Variants in SYNE1 observed in about 807,000 individuals in gnomAD.
SYNE1 encodes the protein nesprin-1.
Under a neutral mutation model 1,111.0 loss-of-function variants are expected in SYNE1, and 616 were observed. The ratio of observed to expected loss-of-function variants is 0.55; its 90% CI spans 0.52 to 0.59. The LOEUF is 0.59. Ranked by LOEUF, SYNE1 falls within the 20% of genes least tolerant of loss-of-function variation. The pLI, the probability that SYNE1 is intolerant of heterozygous loss-of-function variation, is 0.00. For missense variants in SYNE1, 10,006 were observed against 10,417.0 expected (o/e 0.96, Z 1.72); for synonymous variants, 3,855 against 3,825.8 (o/e 1.01, Z -0.28).
chr6:152,202,009 AAAAG>A (rs1554545048), intron 126 of SYNE1, 60 bp from the exon 127 acceptor site: 1 of 1,576,980 alleles, frequency 6.3e-7, no homozygotes, highest in Non-Finnish European at 8.7e-7. Flanking sequence ...CTGGGGGGGG[AAAAG>A]AAAAGAAACA....
Position 152,444,453 on chromosome 6 carries a change from A to G in SYNE1, c.3795T>C (p.Thr1265=), listed in dbSNP as rs1263099442. 3.1e-6 allele frequency: 5 copies of G among 1,613,882 alleles called. No individual in the cohort carries two copies. The South Asian group carries it at 3.3e-5, about 11-fold the overall frequency. Residue 1265 remains threonine (T), a synonymous_variant, in exon 30 of 146, where the codon ACT becomes ACC. Coordinates refer to ENST00000367255, the MANE Select transcript of SYNE1 (RefSeq NM_182961.4). ...ACTGCTGTGCTTCAAACAGATTTTCAGTATCCAAGATCTTCTCAGCTTGTT... is the reference window on the plus strand; with the variant it reads ...ACTGCTGTGCTTCAAACAGATTTTCGGTATCCAAGATCTTCTCAGCTTGTT... ...VQEQAEKILD[T]ENLFEAQQLL...
rs375046559 is a variant in SYNE1, at chr6:152,468,138, T to C, written c.1633-2060A>G. Among the ~76,000 whole-genome samples, 5 of 152,270 alleles carry C rather than the reference T, an allele frequency of 3.3e-5. No individual in the cohort carries two copies. In the South Asian group the frequency reaches 1.0e-3, roughly 32 times the overall value. On this transcript the variant is annotated intron_variant, in intron 16 of 145. Coordinates refer to ENST00000367255, the MANE Select transcript of SYNE1 (RefSeq NM_182961.4). ...TTATTTTTGGTATTTAACTTTAGTG[T>C]TAGTGACCGCATTTCTACTTTCACA... is the stretch of plus-strand genomic sequence containing the variant.
chr6:152,168,981 C>A (rs1225358269), intron 130 of SYNE1, among the ~76,000 whole-genome samples: 1 of 152,086 alleles, frequency 6.6e-6, no homozygotes, highest in Admixed American at 6.5e-5. Flanking sequence ...AAACTTTCTG[C>A]ACTAAGCAGA....
At chr6:152,212,510 A>G (rs2153428277) in intron 123 of SYNE1, among the ~76,000 whole-genome samples, 1 of 152,212 alleles carries the variant, frequency 6.6e-6, no homozygotes, top group South Asian at 2.1e-4. Flanking sequence ...TTCACATTTT[A>G]TTTATCCATT....
Position 152,259,494 on chromosome 6 carries a change from TA to T in SYNE1, c.18972+2537del, listed in dbSNP as rs1365552542. 4.6e-5 allele frequency among the ~76,000 whole-genome samples: 7 copies of T among 152,266 alleles called. No homozygotes were observed. In the East Asian group the frequency reaches 1.4e-3, roughly 29 times the overall value. On this transcript the variant is annotated intron_variant, in intron 101 of 145. Transcript: ENST00000367255. ...TGCCTGTTTTTACATATGAAACTAG[TA>T]AGTATTTCTAGGATACAAAATTGCC...
At position 152,122,655 on chromosome 6, in the gene SYNE1, A is replaced by T. The variant is rs757485462; in HGVS notation, c.26175T>A (p.Asp8725Glu). The change falls in exon 146 of 146, where the codon GAT becomes GAA. Residue 8725 changes from aspartate to glutamate, a missense_variant. This residue lies in a region of SYNE1 where 761 missense variants were observed against 795.5 expected (regional missense o/e 0.96). Transcript: ENST00000367255. ...PHSRSTKGGS[D>E]SSLSEPGPGR... ...CTGGCCCTGGCTCAGAAAGGGAGGA[A>T]TCGGAGCCACCTTTTGTGGACCTGA... is the stretch of plus-strand genomic sequence containing the variant. 6.2e-7 allele frequency: 1 copy of T among 1,614,062 alleles called. No homozygotes were observed. Among genetic ancestry groups the T allele is most frequent in the Non-Finnish European group, 8.5e-7 (1 of 1,179,936 alleles).
chr6:152,234,737 A>T lies in SYNE1; in HGVS notation c.20460T>A (p.Phe6820Leu), dbSNP rs1384113262. Residue 6820 changes from phenylalanine (F) to leucine (L), a missense_variant, in exon 111 of 146, where the codon TTT becomes TTA. Coordinates refer to ENST00000367255, the MANE Select transcript of SYNE1 (RefSeq NM_182961.4). ...WLQSAKDRLE[F>L]WTQQSVTVPQ... The stretch of plus-strand genomic sequence containing the variant: ...GGACTGTCACAGATTGCTGAGTCCA[A>T]AATTCTAGCCGGTCTTTTGCAGATT... 1.2e-6 allele frequency: 2 copies of T among 1,614,216 alleles called. No individual in the cohort carries two copies. Among genetic ancestry groups the T allele is most frequent in the South Asian group, 2.2e-5 (2 of 91,088 alleles).
chr6:152,568,289 CTTTTTTT>C (rs10601350), intron 3 of SYNE1, among the ~76,000 whole-genome samples: 8 of 80,286 alleles, frequency 1.0e-4, no homozygotes, highest in Non-Finnish European at 1.1e-4. Context: ...TTATTTTATT[CTTTTTTT>C]TTTTTTTTTT....
intron 67 of SYNE1, 136 bp from the exon 68 acceptor site, chr6:152,353,880 A>T: frequency 1.9e-6 from 2 of 1,062,902 alleles, no homozygotes; most frequent in South Asian, 1.3e-5. Context: ...TGAAAATGCC[A>T]TATGTTATCT....
At chr6:152,583,018 C>T (rs2099525684) in intron 3 of SYNE1, among the ~76,000 whole-genome samples, 1 of 152,090 alleles carries the variant, frequency 6.6e-6, no homozygotes, top group Non-Finnish European at 1.5e-5. Flanking sequence ...CAAGTGGTCA[C>T]TTTGTTGGAG....
chr6:152,436,850 A>T (rs763379154), intron 32 of SYNE1, among the ~76,000 whole-genome samples: 6 of 152,178 alleles, frequency 3.9e-5, no homozygotes, highest in Non-Finnish European at 8.8e-5. Context: ...ATTTAATGTA[A>T]TATCTTAGTC....
In SYNE1 at chr6:152,444,566, G is replaced by C. The variant is rs571078087; in HGVS notation, c.3682C>G (p.Leu1228Val). ...VTLLSEVEKM[L>V]SNFGDCVQYK... ...TGGACACAGTCCCCAAAATTGCTTA[G>C]CATCTTTTCAACCTATATTTTCATG... The change falls in exon 30 of 146, where the codon CTA (leucine) becomes GTA (valine). Residue 1228 changes from leucine (L) to valine (V), a missense_variant. By Grantham distance (32) the Leu-to-Val change is conservative. Coordinates refer to ENST00000367255, the MANE Select transcript of SYNE1 (RefSeq NM_182961.4). 1 of 1,610,488 alleles carries C rather than the reference G, an allele frequency of 6.2e-7. No individual in the cohort carries two copies. Among genetic ancestry groups the C allele is most frequent in the Non-Finnish European group, 8.5e-7 (1 of 1,179,186 alleles).
At chr6:152,228,278 CT>C (rs1434368742) in intron 115 of SYNE1, among the ~76,000 whole-genome samples, 1 of 152,164 alleles carries the variant, frequency 6.6e-6, no homozygotes, top group African/African-American at 2.4e-5. Context: ...AAAGATATGA[CT>C]TTTCATTTGA....
chr6:152,288,968 G>T (rs957071737), intron 95 of SYNE1, among the ~76,000 whole-genome samples: 32 of 152,182 alleles, frequency 2.1e-4, no homozygotes, highest in Non-Finnish European at 3.7e-4. Context: ...CCAGGCTCAG[G>T]GGGGGCGTGA....
intron 100 of SYNE1, among the ~76,000 whole-genome samples, chr6:152,264,206 C>CAAAAAA (rs56714685): frequency 2.2e-5 from 1 of 45,898 alleles, no homozygotes. Flanking sequence ...GACTCCATCT[C>CAAAAAA]AAAAAAAAAA....
At chr6:152,481,446 T>C (rs545115673) in intron 14 of SYNE1, 131 of 315,656 alleles carry the variant, frequency 4.2e-4, no homozygotes, top group Non-Finnish European at 7.4e-4. Context: ...TTTACATCAA[T>C]TAAAATAGTT....
Position 152,458,817 on chromosome 6 carries a change from T to G in SYNE1, c.2508A>C (p.Glu836Asp). ...CCTCACGCTCAAGAACTGTGATAAT[T>G]TCATTGATTTTCCCAAGTGAGTCAT... is the stretch of plus-strand genomic sequence containing the variant. ...SFYDSLGKINEIITVLEREAQ... is the reference protein window; with the variant it reads ...SFYDSLGKINDIITVLEREAQ... The change falls in exon 22 of 146, where the codon GAA (glutamate) becomes GAC (aspartate). Residue 836 changes from glutamate to aspartate, a missense_variant. Physicochemically the swap from Glu to Asp is conservative, Grantham distance 45. Around this residue, in one of 7 missense-constraint regions of SYNE1, gnomAD observed 1,971 missense variants for 2,084.1 expected, o/e 0.95. Transcript: ENST00000367255. The G allele has an allele frequency of 1.2e-6, 2 of 1,614,068 alleles. No homozygotes were observed. The highest frequency in any genetic ancestry group is 1.7e-6 in the Non-Finnish European group (2 of 1,179,978).
intron 131 of SYNE1, among the ~76,000 whole-genome samples, chr6:152,161,257 A>G (rs147296547): frequency 0.019 from 2,756 of 148,138 alleles, 91 homozygotes; most frequent in African/African-American, 0.064. Flanking sequence ...TAATAAACAT[A>G]TATTATTTAA....
At chr6:152,324,610 A>C (rs927627263) in intron 81 of SYNE1, among the ~76,000 whole-genome samples, 2 of 151,938 alleles carry the variant, frequency 1.3e-5, no homozygotes, top group Non-Finnish European at 1.5e-5. Flanking sequence ...CTGGCTAACG[A>C]GGTGAAACCT....
Sources: gnomAD v4.1 joint callset for allele counts (sites outside exome capture counted in the v4.1 genomes callset) on GRCh38, gnomAD v4.1.1 for gene constraint, gnomAD v4.1.1 regional missense constraint, MANE v1.5 for transcripts, NCBI Gene and HGNC (gene_info 2026-07-23, HGNC 2026-07-21) for gene names.